Variants in SPAG16 observed in about 807,000 individuals in gnomAD.
SPAG16 encodes the protein sperm associated antigen 16.
A neutral mutation model predicts 80.4 loss-of-function variants in SPAG16; 86 were observed. That is an observed-to-expected ratio of 1.07 (90% confidence interval 0.90 to 1.28). The LOEUF (loss-of-function observed/expected upper bound fraction) is 1.28. SPAG16 is among the 50% of genes most tolerant of loss of function. SPAG16 has a pLI of 0.00. For missense variants in SPAG16, 870 were observed against 765.3 expected (o/e 1.14, Z -1.61); for synonymous variants, 294 against 265.9 (o/e 1.11, Z -1.03).
intron 13 of SPAG16, among the ~76,000 whole-genome samples, chr2:214,018,048 G>C (rs1227581488): frequency 6.6e-6 from 1 of 151,724 alleles, no homozygotes; most frequent in African/African-American, 2.4e-5. Context: ...AATTTAAATT[G>C]ATAGCTATGT....
At chr2:213,349,091 T>C (rs1322211868) in intron 6 of SPAG16, among the ~76,000 whole-genome samples, 3 of 152,330 alleles carry the variant, frequency 2.0e-5, no homozygotes, top group African/African-American at 7.2e-5. Flanking sequence ...TATTTGGAAA[T>C]TAAGTAGTAT....
At chr2:214,129,273 G>C (rs2161022) in intron 14 of SPAG16, among the ~76,000 whole-genome samples, 1 of 151,986 alleles carries the variant, frequency 6.6e-6, no homozygotes, top group Non-Finnish European at 1.5e-5. Context: ...GCTGTGCTTT[G>C]TTTCAGTTCC....
intron 7 of SPAG16, among the ~76,000 whole-genome samples, chr2:213,351,578 G>GT (rs1559442980): frequency 6.6e-6 from 1 of 151,980 alleles, no homozygotes; most frequent in Admixed American, 6.6e-5. Context: ...CCATTTATCA[G>GT]TTTTTTTAGA....
chr2:213,526,261 A>G (rs192305258), intron 10 of SPAG16, among the ~76,000 whole-genome samples: 1 of 152,148 alleles, frequency 6.6e-6, no homozygotes. Context: ...ATAATACTCA[A>G]TATTTAGTAT....
intron 12 of SPAG16, among the ~76,000 whole-genome samples, chr2:213,955,000 A>T (rs1224113370): frequency 6.6e-6 from 1 of 151,944 alleles, no homozygotes; most frequent in East Asian, 1.9e-4. Flanking sequence ...TTTTAAATTC[A>T]TTTATGTAAG....
intron 8 of SPAG16, 98 bp from the exon 9 acceptor site, chr2:213,374,908 AATAC>A: frequency 1.3e-6 from 1 of 751,694 alleles, no homozygotes; most frequent in Non-Finnish European, 2.1e-6. Context: ...ATTTTTTAAA[AATAC>A]ATGCATCATT....
At chr2:213,769,994 A>C (rs1417678695) in intron 10 of SPAG16, among the ~76,000 whole-genome samples, 3 of 152,212 alleles carry the variant, frequency 2.0e-5, no homozygotes, top group East Asian at 1.9e-4. Context: ...AAATAGAAGC[A>C]CACAATATGT....
intron 10 of SPAG16, among the ~76,000 whole-genome samples, chr2:213,831,336 C>A (rs1337503347): frequency 1.3e-5 from 2 of 151,988 alleles, no homozygotes; most frequent in Non-Finnish European, 2.9e-5. Context: ...CCACACCCGG[C>A]TGAACCATGA....
At chr2:213,325,747 A>G (rs1162658576) in intron 5 of SPAG16, among the ~76,000 whole-genome samples, 1 of 147,696 alleles carries the variant, frequency 6.8e-6, no homozygotes, top group Non-Finnish European at 1.5e-5. Context: ...TTAATACTTT[A>G]TATTTATGAA....
At chr2:213,309,882 T>G (rs537457075) in intron 3 of SPAG16, among the ~76,000 whole-genome samples, 177 bp from the exon 4 acceptor site, 2 of 152,172 alleles carry the variant, frequency 1.3e-5, no homozygotes, top group Non-Finnish European at 2.9e-5. Flanking sequence ...AGAGATTTGT[T>G]TGCTTTCATC....
At chr2:213,778,833 ATT>A (rs1225547627) in intron 10 of SPAG16, among the ~76,000 whole-genome samples, 5 of 151,972 alleles carry the variant, frequency 3.3e-5, no homozygotes. Flanking sequence ...ATATTAATGA[ATT>A]TTTTTCAGTT....
intron 10 of SPAG16, among the ~76,000 whole-genome samples, chr2:213,555,519 A>G (rs2059399110): frequency 6.6e-6 from 1 of 152,214 alleles, no homozygotes; most frequent in Non-Finnish European, 1.5e-5. Flanking sequence ...TTCCTCAGCT[A>G]TGAAGAACTG....
At chr2:214,163,041 C>T (rs1346293940) in intron 15 of SPAG16, among the ~76,000 whole-genome samples, 4 of 151,994 alleles carry the variant, frequency 2.6e-5, no homozygotes, top group Non-Finnish European at 5.9e-5. Context: ...TTTTTGACTG[C>T]TTGAGATCTC....
Position 214,163,576 on chromosome 2 carries a change from G to GTA in SPAG16, c.1720+14321_1720+14322dup, listed in dbSNP as rs376431032. ...TGTGTGTCTGTGTATATGTGTGTGT[G>GTA]TATATATATATACACACACATATAT... On this transcript the variant is annotated intron_variant, in intron 15 of 15. Transcript: ENST00000331683. Among the ~76,000 whole-genome samples, 170 of 110,946 alleles carry GTA rather than the reference G, an allele frequency of 1.5e-3. 5 individuals are homozygous for GTA. The South Asian group carries it at 0.038, about 25-fold the overall frequency. The allele number at this position is 110,946 out of a possible 152,430, so 72.8% of individuals were successfully genotyped here.
intron 10 of SPAG16, among the ~76,000 whole-genome samples, chr2:213,781,677 G>A (rs1254431045): frequency 1.3e-5 from 2 of 152,084 alleles, no homozygotes; most frequent in African/African-American, 2.4e-5. Context: ...CTGTACCTAG[G>A]GAAGGACTGT....
chr2:213,339,204 T>C (rs2064547314), intron 5 of SPAG16, among the ~76,000 whole-genome samples: 1 of 152,206 alleles, frequency 6.6e-6, no homozygotes, highest in African/African-American at 2.4e-5. Flanking sequence ...TCCTCAGTGA[T>C]TGACTTCTGA....
chr2:213,538,815 G>A (rs1000083282), intron 10 of SPAG16, among the ~76,000 whole-genome samples: 5 of 151,950 alleles, frequency 3.3e-5, no homozygotes, highest in East Asian at 1.9e-4. Context: ...ACATATGTAC[G>A]TATCTATTTA....
intron 10 of SPAG16, among the ~76,000 whole-genome samples, chr2:213,559,972 T>A (rs1431554025): frequency 6.6e-6 from 1 of 152,102 alleles, no homozygotes; most frequent in Admixed American, 6.6e-5. Context: ...TACATAAAAA[T>A]TTTGAGAGAT....
intron 10 of SPAG16, among the ~76,000 whole-genome samples, chr2:213,768,707 T>C (rs948022177): frequency 6.6e-6 from 1 of 152,190 alleles, no homozygotes; most frequent in Non-Finnish European, 1.5e-5. Context: ...AATGGAAATA[T>C]CCAATCACAT....
Sources: gnomAD v4.1 joint callset for allele counts (sites outside exome capture counted in the v4.1 genomes callset) on GRCh38, gnomAD v4.1.1 for gene constraint, MANE v1.5 for transcripts, NCBI Gene and HGNC (gene_info 2026-07-23, HGNC 2026-07-21) for gene names.